The following TRIP12 variants were observed in gnomAD, a reference collection of about 807,000 sequenced individuals.
TRIP12 encodes the protein thyroid hormone receptor interactor 12.
In TRIP12, 25 loss-of-function variants were observed where a neutral mutation model predicts 244.2. That is an observed-to-expected ratio of 0.10 (90% CI 0.07 to 0.14). The LOEUF is 0.14. TRIP12 is among the 10% of genes least tolerant of loss of function. The pLI, the probability that TRIP12 is intolerant of heterozygous loss-of-function variation, is 1.00. For synonymous variants in TRIP12, 905 were observed against 873.1 expected (o/e 1.04, Z -0.64); for missense variants, 1,677 against 2,486.4 (o/e 0.67, Z 6.92).
intron 8 of TRIP12, among the ~76,000 whole-genome samples, chr2:229,822,449 G>A (rs1395953056): frequency 2.0e-5 from 3 of 152,184 alleles, no homozygotes; most frequent in Non-Finnish European, 2.9e-5. Context: ...CCACAACAAA[G>A]AAAACAGTGA....
At chr2:229,877,231 A>G (rs1044485542) in intron 2 of TRIP12, among the ~76,000 whole-genome samples, 3 of 152,008 alleles carry the variant, frequency 2.0e-5, no homozygotes, top group Admixed American at 6.6e-5. Flanking sequence ...TAAAATAAAA[A>G]CATAATACAA....
At chr2:229,768,826 T>C in intron 40 of TRIP12, 107 bp from the exon 41 acceptor site, 2 of 1,021,458 alleles carry the variant, frequency 2.0e-6, no homozygotes, top group Non-Finnish European at 2.8e-6. Context: ...CACTTTTAAA[T>C]TACACATACA....
At position 229,803,981 on chromosome 2, in the gene TRIP12, C is replaced by T. The variant is rs768990773; in HGVS notation, c.2879+18G>A. On this transcript the variant is annotated intron_variant, in intron 19 of 41. Coordinates refer to ENST00000675903, the MANE Select transcript of TRIP12 (RefSeq NM_001348323.3). ...GATTTGTATTTGTAAAATGTTTCTA[C>T]TATTTTCATTAACACACCTTGAAAC... The T allele has an allele frequency of 1.3e-6, 2 of 1,581,896 alleles. No homozygotes were observed. Among genetic ancestry groups the T allele is most frequent in the Non-Finnish European group, 8.6e-7 (1 of 1,161,786 alleles).
chr2:229,808,180 C>A (rs558291432), intron 16 of TRIP12, 72 bp downstream of exon 16: 2 of 1,093,272 alleles, frequency 1.8e-6, no homozygotes, highest in African/African-American at 1.6e-5. Flanking sequence ...GTTGGCCAGG[C>A]TGGTCTCGAA....
Position 229,769,471 on chromosome 2 carries a change from T to A in TRIP12, c.5809-146A>T, listed in dbSNP as rs6759674. ...GGACCTCTTTCCAAAAAAAAAAAAA[T>A]AATAATAAAATAAAATAAAATTTAG... On this transcript the variant is annotated intron_variant, in intron 39 of 41. Transcript: ENST00000675903. 81,032 of 330,502 alleles carry A rather than the reference T, an allele frequency of 0.25. 8,628 individuals are homozygous for A. Among genetic ancestry groups the A allele is most frequent in the Middle Eastern group, 0.33 (359 of 1,072 alleles). The allele number at this position is 330,502 out of a possible 1,614,324, so 20.5% of individuals were successfully genotyped here.
intron 1 of TRIP12, among the ~76,000 whole-genome samples, chr2:229,911,344 AG>A (rs1205852055): frequency 6.6e-6 from 1 of 152,280 alleles, no homozygotes; most frequent in African/African-American, 2.4e-5. Flanking sequence ...AAGCTGCTAA[AG>A]AAAGCTAAAT....
At chr2:229,806,398 A>T (rs147932784) in intron 17 of TRIP12, among the ~76,000 whole-genome samples, 1 of 152,244 alleles carries the variant, frequency 6.6e-6, no homozygotes, top group Non-Finnish European at 1.5e-5. Flanking sequence ...TTAATCGCCA[A>T]GGTTGTGTGT....
intron 2 of TRIP12, among the ~76,000 whole-genome samples, chr2:229,872,545 CAG>C (rs1205994910): frequency 6.6e-6 from 1 of 152,002 alleles, no homozygotes; most frequent in Non-Finnish European, 1.5e-5. Context: ...GCCTGTGAGA[CAG>C]AGCAAGACTC....
At chr2:229,834,562 G>A (rs1029754437) in intron 6 of TRIP12, among the ~76,000 whole-genome samples, 1 of 152,130 alleles carries the variant, frequency 6.6e-6, no homozygotes, top group African/African-American at 2.4e-5. Flanking sequence ...GAGTTGGACA[G>A]CAGCCCGGCC....
At chr2:229,866,807 T>C (rs1377383748) in intron 2 of TRIP12, among the ~76,000 whole-genome samples, 4 of 152,170 alleles carry the variant, frequency 2.6e-5, no homozygotes, top group Non-Finnish European at 5.9e-5. Context: ...CAGGAGAATA[T>C]AAGCTTTATA....
intron 1 of TRIP12, among the ~76,000 whole-genome samples, chr2:229,896,120 G>C (rs1011147242): frequency 3.3e-5 from 5 of 152,162 alleles, no homozygotes; most frequent in Middle Eastern, 3.4e-3. Context: ...AGTAAAGGTT[G>C]TCACCTTTAC....
chr2:229,802,179 C>A, intron 21 of TRIP12, 73 bp downstream of exon 21: 1 of 1,188,038 alleles, frequency 8.4e-7, no homozygotes, highest in Non-Finnish European at 1.2e-6. Context: ...CATTTTACTC[C>A]CTATATGATT....
At chr2:229,783,091 T>C (rs1024750387) in intron 34 of TRIP12, among the ~76,000 whole-genome samples, 2 of 152,230 alleles carry the variant, frequency 1.3e-5, no homozygotes, top group African/African-American at 4.8e-5. Context: ...GCTATACAAC[T>C]GGCGGGCCAA....
At chr2:229,901,600 G>C (rs1387687494) in intron 1 of TRIP12, among the ~76,000 whole-genome samples, 1 of 137,570 alleles carries the variant, frequency 7.3e-6, no homozygotes, top group African/African-American at 2.7e-5. Flanking sequence ...TCCAGCCTGG[G>C]TGACAGAATG....
At chr2:229,845,490 T>C (rs1206134669) in intron 4 of TRIP12, among the ~76,000 whole-genome samples, 1 of 152,074 alleles carries the variant, frequency 6.6e-6, no homozygotes, top group Non-Finnish European at 1.5e-5. Context: ...ATATTTACTA[T>C]ATGGCCATTT....
Position 229,769,275 on chromosome 2 carries a change from T to C in TRIP12, c.5859A>G (p.Thr1953=). The C allele has an allele frequency of 6.2e-7, 1 of 1,614,092 alleles. No homozygotes were observed. Among genetic ancestry groups the C allele is most frequent in the Non-Finnish European group, 8.5e-7 (1 of 1,179,992 alleles). The part of the protein sequence containing the change: ...GSKADTWDAK[T]LMECCRPDHG... ...GATCAGGCCTACAGCATTCCATCAG[T>C]GTCTTTGCATCCCAAGTGTCTGCTT... The change falls in exon 40 of 42, where the codon ACA becomes ACG. Residue 1953 remains threonine (T), a synonymous_variant. Coordinates refer to ENST00000675903, the MANE Select transcript of TRIP12 (RefSeq NM_001348323.3).
At chr2:229,864,047 A>AGAGAGAGAGAGTGTGTGT in intron 2 of TRIP12, among the ~76,000 whole-genome samples, 19 of 79,310 alleles carry the variant, frequency 2.4e-4, no homozygotes, top group South Asian at 5.1e-4. Flanking sequence ...AGAGAGAGAG[A>AGAGAGAGAGAGTGTGTGT]GTGTGTGTGT....
intron 6 of TRIP12, among the ~76,000 whole-genome samples, chr2:229,834,489 G>A (rs1386880641): frequency 6.6e-6 from 1 of 152,232 alleles, no homozygotes; most frequent in Non-Finnish European, 1.5e-5. Flanking sequence ...ACCAGGTGCA[G>A]AGGCTCACGC....
intron 1 of TRIP12, among the ~76,000 whole-genome samples, chr2:229,892,207 T>C (rs1305940838): frequency 6.6e-6 from 1 of 151,920 alleles, no homozygotes; most frequent in African/African-American, 2.4e-5. Context: ...TAGAGGATAA[T>C]GGGAAGGAGG....
Sources: gnomAD v4.1 joint callset for allele counts (sites outside exome capture counted in the v4.1 genomes callset) on GRCh38, gnomAD v4.1.1 for gene constraint, MANE v1.5 for transcripts, NCBI Gene and HGNC (gene_info 2026-07-23, HGNC 2026-07-21) for gene names.